The following CKAP5 variants were observed in gnomAD, a reference collection of about 807,000 sequenced individuals.
CKAP5 encodes cytoskeleton associated protein 5.
A neutral mutation model predicts 232.8 loss-of-function variants in CKAP5; 27 were observed. The ratio of observed to expected loss-of-function variants is 0.12; its 90% CI spans 0.09 to 0.16. CKAP5 has a LOEUF of 0.16. Ranked by LOEUF, CKAP5 falls within the 10% of genes least tolerant of loss-of-function variation. The pLI is 1.00. For synonymous variants in CKAP5, 785 were observed against 841.1 expected, an observed-to-expected ratio of 0.93 and a Z score of 1.16; for missense variants, 1,838 against 2,424.7, an observed-to-expected ratio of 0.76 and a Z score of 5.08.
Position 46,753,793 on chromosome 11 carries a change from CGTGTTAG to C in CKAP5, c.4870-303_4870-297del, listed in dbSNP as rs529210847. Among the ~76,000 whole-genome samples the C allele has an allele frequency of 2.6e-4, 40 of 151,588 alleles. 1 individual carries two copies. In the East Asian group the frequency reaches 7.8e-3, roughly 30 times the overall value. The stretch of plus-strand genomic sequence containing the variant: ...TTTTTTAGTAGAGATGGGGTTTCAC[CGTGTTAG>C]CCAGGATGGTCTCGATCTCCTGACT... On this transcript the variant is annotated intron_variant, in intron 36 of 43. Coordinates refer to ENST00000529230, the MANE Select transcript of CKAP5 (RefSeq NM_001008938.4).
chr11:46,767,427 GAAC>G (rs1274297609), intron 27 of CKAP5, 145 bp downstream of exon 27: 1 of 504,054 alleles, frequency 2.0e-6, no homozygotes, highest in Non-Finnish European at 3.4e-6. Context: ...TATTAAAAAT[GAAC>G]CACAGAAATT....
rs369366613 is a variant in CKAP5, at chr11:46,821,421, C to CTTTTT, written c.-37-158_-37-154dup. Among the ~76,000 whole-genome samples, 352 of 105,186 alleles carry CTTTTT rather than the reference C, an allele frequency of 3.3e-3. 6 individuals carry two copies. The highest frequency in any genetic ancestry group is 3.7e-3 in the Non-Finnish European group (212 of 56,854). The allele number at this position is 105,186 out of a possible 152,430, so 69.0% of individuals were successfully genotyped here. A position where few individuals can be genotyped will look rare whatever the true frequency, so the allele number is the denominator to read the frequency against. ...TCCCCACTTAATTCAATTAACAGGA[C>CTTTTT]TTTTTTTTTTTTTTTTTTTTTGAGA... On this transcript the variant is annotated intron_variant, in intron 1 of 43. Transcript: ENST00000529230.
intron 13 of CKAP5, among the ~76,000 whole-genome samples, chr11:46,793,107 G>A (rs1375048030): frequency 3.3e-5 from 5 of 152,122 alleles, no homozygotes; most frequent in Non-Finnish European, 5.9e-5. Context: ...ATGGTGTGGG[G>A]ATACAGTAAA....
chr11:46,831,034 C>T (rs1000504960), intron 1 of CKAP5, among the ~76,000 whole-genome samples: 7 of 152,110 alleles, frequency 4.6e-5, no homozygotes, highest in Non-Finnish European at 1.0e-4. Context: ...CACTGCACTC[C>T]AGGCTGGGCA....
At chr11:46,774,692 A>G (rs547118867) in intron 24 of CKAP5, among the ~76,000 whole-genome samples, 84 of 152,334 alleles carry the variant, frequency 5.5e-4, no homozygotes, top group Middle Eastern at 3.4e-3. Flanking sequence ...CCACACATCT[A>G]CAACCATCTG....
chr11:46,763,325 CACACATTCATTTATT>C (rs2065171989), intron 29 of CKAP5, 141 bp downstream of exon 29: 2 of 945,994 alleles, frequency 2.1e-6, no homozygotes, highest in Non-Finnish European at 3.1e-6. Context: ...AAAATATACA[CACACATTCATTTATT>C]CTACCAAATA....
rs148928134 is a variant in CKAP5 at position 46,803,433 on chromosome 11, A to G, written c.979-2129T>C. Among the ~76,000 whole-genome samples the G allele has an allele frequency of 3.8e-3, 582 of 151,892 alleles. 3 individuals carry two copies. The highest frequency in any genetic ancestry group is 6.1e-3 in the Admixed American group (93 of 15,264). ...AAAGGCACATGCTACCACACCTGCT[A>G]ATGTTTCTATTTTTTGTAGAAACAG... On this transcript the variant is annotated intron_variant, in intron 8 of 43. Transcript: ENST00000529230.
intron 1 of CKAP5, among the ~76,000 whole-genome samples, chr11:46,834,519 CAAAAAAA>C (rs35792132): frequency 0.028 from 1,502 of 53,580 alleles, 17 homozygotes; most frequent in Middle Eastern, 0.07. Flanking sequence ...AACTCCATCT[CAAAAAAA>C]AAAAAAAAAA....
intron 31 of CKAP5, 183 bp downstream of exon 31, chr11:46,762,444 G>A: frequency 1.1e-6 from 1 of 883,054 alleles, no homozygotes; most frequent in South Asian, 1.3e-5. Flanking sequence ...ATACTGAGTG[G>A]TGCCTGTATC....
Position 46,784,601 on chromosome 11 carries a change from C to T in CKAP5, c.2041G>A (p.Val681Ile). ...TTGTCCACAAGGCCATCTAATACAA[C>T]CTGAGCTGACGTTTTGGAAAAATTT... ...KGNFSKTSAQ[V>I]VLDGLVDKIG... Residue 681 changes from valine (V) to isoleucine (I), a missense_variant, in exon 17 of 44, where the codon GTT (valine) becomes ATT (isoleucine). Val to Ile is a conservative substitution (Grantham distance 29). Transcript: ENST00000529230. 1 of 1,614,070 alleles carries T rather than the reference C, an allele frequency of 6.2e-7. No individual in the cohort carries two copies. Among genetic ancestry groups the T allele is most frequent in the Non-Finnish European group, 8.5e-7 (1 of 1,179,972 alleles).
intron 42 of CKAP5, among the ~76,000 whole-genome samples, chr11:46,748,228 C>T (rs775015670): frequency 6.6e-6 from 1 of 151,948 alleles, no homozygotes; most frequent in Admixed American, 6.6e-5. Context: ...CATTCTGATG[C>T]TATGTGTAGA....
rs368000049 is a variant in CKAP5 at position 46,821,209 on chromosome 11, A to G, written c.23T>C (p.Leu8Ser). MGDDSEW[L>S]KLPVDQKCEH... ...ACATTTCTGATCAACTGGCAGTTTC[A>G]ACCACTCACTGTCATCTCCCATTGT... The change falls in exon 2 of 44, where the codon TTG (leucine) becomes TCG (serine). Residue 8 changes from leucine (L) to serine (S), a missense_variant. Leu to Ser is a moderately radical substitution (Grantham distance 145). Around this residue, in one of 6 missense-constraint regions of CKAP5, gnomAD observed 285 missense variants for 300.0 expected, o/e 0.95. Transcript: ENST00000529230. 72 of 1,613,164 alleles carry G rather than the reference A, an allele frequency of 4.5e-5. No individual in the cohort carries two copies. Among genetic ancestry groups the G allele is most frequent in the Non-Finnish European group, 5.9e-5 (70 of 1,179,302 alleles).
At chr11:46,838,377 C>T (rs1226127826) in intron 1 of CKAP5, among the ~76,000 whole-genome samples, 1 of 151,962 alleles carries the variant, frequency 6.6e-6, no homozygotes, top group African/African-American at 2.4e-5. Context: ...GTGGCTCACA[C>T]CAGTAATCCC....
intron 24 of CKAP5, among the ~76,000 whole-genome samples, chr11:46,775,408 A>G (rs527431675): frequency 2.6e-5 from 4 of 152,354 alleles, no homozygotes; most frequent in South Asian, 2.1e-4. Context: ...TGTGGAAGAC[A>G]GTGTGGCAAT....
At chr11:46,798,044 T>C (rs377624650) in intron 10 of CKAP5, 39 bp downstream of exon 10, 1 of 1,606,018 alleles carries the variant, frequency 6.2e-7, no homozygotes, top group Non-Finnish European at 8.5e-7. Flanking sequence ...TTACAAACTT[T>C]ACTTCAGATA....
chr11:46,744,130 C>A lies in CKAP5; in HGVS notation c.5992G>T (p.Asp1998Tyr). 1 of 1,614,004 alleles carries A rather than the reference C, an allele frequency of 6.2e-7. No homozygotes were observed. The highest frequency in any genetic ancestry group is 1.1e-5 in the South Asian group (1 of 91,070). Reference sequence around the variant, plus strand: ...CCTGAAGAGTGAGTCTGGTTAGAATCCAGGTCTGAATGCTGGTGCTGCTCC... The same window carrying A: ...CCTGAAGAGTGAGTCTGGTTAGAATACAGGTCTGAATGCTGGTGCTGCTCC... ...SREQHQHSDLDSNQTHSSGTV... is the reference protein window; with the variant it reads ...SREQHQHSDLYSNQTHSSGTV... Residue 1998 changes from aspartate (D) to tyrosine (Y), a missense_variant, in exon 44 of 44, where the codon GAT becomes TAT. Asp to Tyr is a radical substitution (Grantham distance 160, BLOSUM62 -3). Coordinates refer to ENST00000529230, the MANE Select transcript of CKAP5 (RefSeq NM_001008938.4).
chr11:46,813,972 G>GA (rs987123013), intron 4 of CKAP5, among the ~76,000 whole-genome samples: 11 of 147,838 alleles, frequency 7.4e-5, no homozygotes, highest in Admixed American at 2.7e-4. Context: ...CTCTATTAAA[G>GA]AAAAAAAAAA....
chr11:46,782,160 A>G (rs11038989), intron 18 of CKAP5, among the ~76,000 whole-genome samples: 2 of 151,926 alleles, frequency 1.3e-5, no homozygotes, highest in Non-Finnish European at 2.9e-5. Flanking sequence ...CTCTCTCTAT[A>G]TATATATTTT....
At chr11:46,771,018 AATGAAG>A in intron 24 of CKAP5, 36 bp from the exon 25 acceptor site, 1 of 1,555,204 alleles carries the variant, frequency 6.4e-7, no homozygotes, top group Non-Finnish European at 8.8e-7. Context: ...ACACACTTCA[AATGAAG>A]ACTGTTATCA....
Sources: gnomAD v4.1 joint callset for allele counts (sites outside exome capture counted in the v4.1 genomes callset) on GRCh38, gnomAD v4.1.1 for gene constraint, gnomAD v4.1.1 regional missense constraint, MANE v1.5 for transcripts, NCBI Gene and HGNC (gene_info 2026-07-23, HGNC 2026-07-21) for gene names.